NDST3: variants seen among roughly 807,000 people sequenced by gnomAD.
NDST3 encodes the protein N-deacetylase and N-sulfotransferase 3, also known as bifunctional heparan sulfate N-deacetylase/N-sulfotransferase 3.
NDST3 carries 58 observed loss-of-function variants against 96.1 expected under a neutral mutation model. That is an observed-to-expected ratio of 0.60 (90% CI 0.49 to 0.75). The LOEUF (loss-of-function observed/expected upper bound fraction) is 0.75. Among genes scored for constraint, NDST3 ranks in the 30% least tolerant of loss-of-function variants. The pLI, the probability that NDST3 is intolerant of heterozygous loss-of-function variation, is 0.00. For missense variants in NDST3, 788 were observed against 1,034.2 expected (o/e 0.76, Z 3.27); for synonymous variants, 333 against 359.7 (o/e 0.93, Z 0.84).
intron 2 of NDST3, among the ~76,000 whole-genome samples, chr4:118,096,209 T>G (rs1164711395): frequency 6.6e-6 from 1 of 151,904 alleles, no homozygotes; most frequent in African/African-American, 2.4e-5. Context: ...TTAAACTACC[T>G]CTATATACAG....
chr4:118,098,420 T>C (rs796250181), intron 2 of NDST3, among the ~76,000 whole-genome samples: 13 of 152,120 alleles, frequency 8.5e-5, no homozygotes, highest in African/African-American at 3.1e-4. Context: ...ACTAAGCATG[T>C]CAACCATAAG....
At position 118,053,800 on chromosome 4, in the gene NDST3, C is replaced by T; in HGVS notation, c.-111C>T. The T allele has an allele frequency of 8.7e-7, 1 of 1,151,426 alleles. No homozygotes were observed. Among genetic ancestry groups the T allele is most frequent in the Non-Finnish European group, 1.2e-6 (1 of 819,828 alleles). The allele number at this position is 1,151,426 out of a possible 1,614,324, so 71.3% of individuals were successfully genotyped here. On this transcript the variant is annotated 5_prime_UTR_variant, in exon 2 of 14. Coordinates refer to ENST00000296499, the MANE Select transcript of NDST3 (RefSeq NM_004784.3). The stretch of plus-strand genomic sequence containing the variant: ...CTGATCAAGTGATACAAATGAGCTG[C>T]AATGGTGACATAAACTCTTGACAGA...
intron 6 of NDST3, among the ~76,000 whole-genome samples, chr4:118,178,071 A>G (rs942958563): frequency 7.9e-5 from 12 of 151,942 alleles, no homozygotes; most frequent in Non-Finnish European, 1.2e-4. Context: ...AAGGACCCAC[A>G]GGAAAAAAAA....
In NDST3 at chr4:118,257,916, C is replaced by T. The variant is rs1205971661; in HGVS notation, c.*2204C>T. On this transcript the variant is annotated 3_prime_UTR_variant, in exon 14 of 14. Transcript: ENST00000296499. ...ATCTCCACCAACTTAAGAAAACTGG[C>T]TTAGGAAGGTTAAACATGAGAATAG... is the stretch of plus-strand genomic sequence containing the variant. 2 of 152,024 alleles carry T rather than the reference C, an allele frequency of 1.3e-5. No individual in the cohort carries two copies. The highest frequency in any genetic ancestry group is 4.8e-5 in the African/African-American group (2 of 41,384). The allele number at this position is 152,024 out of a possible 1,614,324, so 9.4% of individuals were successfully genotyped here.
intron 6 of NDST3, among the ~76,000 whole-genome samples, chr4:118,212,446 G>A (rs1738864711): frequency 6.6e-6 from 1 of 152,136 alleles, no homozygotes; most frequent in Non-Finnish European, 1.5e-5. Flanking sequence ...AGGCTAAGAT[G>A]GATTGGTAAA....
intron 6 of NDST3, among the ~76,000 whole-genome samples, chr4:118,195,006 A>T (rs1236192957): frequency 6.6e-6 from 1 of 152,118 alleles, no homozygotes; most frequent in African/African-American, 2.4e-5. Flanking sequence ...TGTAAATTTT[A>T]GGATAGTTTT....
chr4:118,156,155 T>C (rs562713337), intron 6 of NDST3, among the ~76,000 whole-genome samples: 1 of 152,298 alleles, frequency 6.6e-6, no homozygotes, highest in African/African-American at 2.4e-5. Flanking sequence ...TATATGCACC[T>C]TTCACTCCAC....
In NDST3 at chr4:118,257,480, T is replaced by C. The variant is rs999532725; in HGVS notation, c.*1768T>C. On this transcript the variant is annotated 3_prime_UTR_variant, in exon 14 of 14. Coordinates refer to ENST00000296499, the MANE Select transcript of NDST3 (RefSeq NM_004784.3). Reference sequence around the variant, plus strand: ...ACTGTACATATACATAAAATTTAAGTAGTAAATTAATTCCCTGCTATGATT... The same window carrying C: ...ACTGTACATATACATAAAATTTAAGCAGTAAATTAATTCCCTGCTATGATT... 1 of 152,148 alleles carries C rather than the reference T, an allele frequency of 6.6e-6. No homozygotes were observed. The highest frequency in any genetic ancestry group is 1.5e-5 in the Non-Finnish European group (1 of 68,008). 9.4% of individuals were successfully genotyped at this position (152,148 alleles called of 1,614,324 possible).
chr4:118,181,618 C>T (rs1560701680), intron 6 of NDST3, among the ~76,000 whole-genome samples: 2 of 152,134 alleles, frequency 1.3e-5, no homozygotes, highest in Admixed American at 6.6e-5. Flanking sequence ...ATTAAGCTCA[C>T]TTCTGACCAT....
chr4:118,254,245 CAA>C (rs33924467), intron 13 of NDST3, among the ~76,000 whole-genome samples: 90,646 of 127,606 alleles, frequency 0.71, 31,633 homozygotes, highest in Admixed American at 0.78. Context: ...AACTCCAACT[CAA>C]AAAAAAAAAA....
chr4:118,120,703 G>A (rs1360026020), intron 4 of NDST3, among the ~76,000 whole-genome samples: 2 of 152,114 alleles, frequency 1.3e-5, no homozygotes, highest in South Asian at 2.1e-4. Context: ...AAATAAAGAG[G>A]CATGATGCTT....
chr4:118,125,021 A>G (rs1337409773), intron 4 of NDST3, among the ~76,000 whole-genome samples: 1 of 151,968 alleles, frequency 6.6e-6, no homozygotes, highest in Middle Eastern at 3.2e-3. Flanking sequence ...TTATATAGGC[A>G]TGTTTGATTG....
intron 3 of NDST3, among the ~76,000 whole-genome samples, chr4:118,106,245 A>T (rs913482744): frequency 6.6e-6 from 1 of 152,200 alleles, no homozygotes; most frequent in Non-Finnish European, 1.5e-5. Context: ...GTTTTTAATG[A>T]ACAAAAATAC....
intron 11 of NDST3, among the ~76,000 whole-genome samples, chr4:118,241,325 C>T (rs918969839): frequency 6.6e-6 from 1 of 152,184 alleles, no homozygotes; most frequent in Non-Finnish European, 1.5e-5. Flanking sequence ...AAATGTTAGA[C>T]CCAGCAGCTA....
At chr4:118,137,441 A>C (rs533681721) in intron 4 of NDST3, among the ~76,000 whole-genome samples, 1 of 151,944 alleles carries the variant, frequency 6.6e-6, no homozygotes, top group Non-Finnish European at 1.5e-5. Context: ...AGTACCTTCA[A>C]CTTTCACTAT....
chr4:118,126,721 G>C (rs998826918), intron 4 of NDST3, among the ~76,000 whole-genome samples: 7 of 151,930 alleles, frequency 4.6e-5, no homozygotes, highest in Admixed American at 3.9e-4. Flanking sequence ...CAGTGGGATT[G>C]CTGGATCATA....
chr4:118,189,545 A>C (rs1737170364), intron 6 of NDST3, among the ~76,000 whole-genome samples: 1 of 152,212 alleles, frequency 6.6e-6, no homozygotes, highest in African/African-American at 2.4e-5. Flanking sequence ...TCAAAGGTTT[A>C]AAATACTTAA....
chr4:118,061,270 C>T (rs569833246), intron 2 of NDST3, among the ~76,000 whole-genome samples: 66 of 152,114 alleles, frequency 4.3e-4, no homozygotes, highest in Admixed American at 2.2e-3. Flanking sequence ...TTCTTTGCTT[C>T]CTTTAGATCT....
chr4:118,044,412 C>CCT (rs1328617911), intron 1 of NDST3, among the ~76,000 whole-genome samples: 2 of 152,196 alleles, frequency 1.3e-5, no homozygotes, highest in African/African-American at 4.8e-5. Context: ...TTAAAAGAGA[C>CCT]CTCACATGGC....
Sources: gnomAD v4.1 joint callset for allele counts (sites outside exome capture counted in the v4.1 genomes callset) on GRCh38, gnomAD v4.1.1 for gene constraint, MANE v1.5 for transcripts, NCBI Gene and HGNC (gene_info 2026-07-23, HGNC 2026-07-21) for gene names.